Variants in COG5 observed in about 807,000 individuals in gnomAD.
COG5 encodes component of oligomeric golgi complex 5.
A neutral mutation model predicts 110.4 loss-of-function variants in COG5; 86 were observed. The observed-to-expected ratio is 0.78, with a 90% CI of 0.65 to 0.93. The LOEUF is 0.93. Ranked by LOEUF, COG5 falls within the 40% of genes least tolerant of loss-of-function variation. COG5 has a pLI of 0.00. For synonymous variants in COG5, 360 were observed against 334.6 expected (o/e 1.08, Z -0.83); for missense variants, 1,077 against 987.0 (o/e 1.09, Z -1.22).
intron 6 of COG5, among the ~76,000 whole-genome samples, chr7:107,504,558 T>C (rs1174629093): frequency 6.6e-6 from 1 of 152,242 alleles, no homozygotes; most frequent in East Asian, 1.9e-4. Context: ...TTTGCAATAG[T>C]TGCAGTAAGA....
intron 6 of COG5, among the ~76,000 whole-genome samples, chr7:107,486,098 G>GA (rs1032014021): frequency 6.6e-6 from 1 of 151,842 alleles, no homozygotes; most frequent in Non-Finnish European, 1.5e-5. Flanking sequence ...AGATAAAGCT[G>GA]AAAAATAGGT....
intron 6 of COG5, among the ~76,000 whole-genome samples, chr7:107,427,897 G>A (rs564968253): frequency 6.6e-6 from 1 of 152,140 alleles, no homozygotes; most frequent in Non-Finnish European, 1.5e-5. Flanking sequence ...TCAGCAGAGA[G>A]GGGATATGAG....
At chr7:107,377,505 A>G (rs1814737600) in intron 7 of COG5, among the ~76,000 whole-genome samples, 1 of 152,002 alleles carries the variant, frequency 6.6e-6, no homozygotes, top group South Asian at 2.1e-4. Flanking sequence ...TAATTTGTTA[A>G]TCTTGTTAAG....
At chr7:107,229,373 C>T (rs1010668732) in intron 19 of COG5, among the ~76,000 whole-genome samples, 2 of 152,038 alleles carry the variant, frequency 1.3e-5, no homozygotes, top group Non-Finnish European at 1.5e-5. Flanking sequence ...CGCTTGAACC[C>T]GGGAGGTGGA....
chr7:107,389,156 C>A (rs1275104348), intron 7 of COG5, among the ~76,000 whole-genome samples: 3 of 152,202 alleles, frequency 2.0e-5, no homozygotes, highest in East Asian at 1.9e-4. Context: ...TGGGCAGACA[C>A]CCGCTTCCCA....
At position 107,284,278 on chromosome 7, in the gene COG5, G is replaced by A. The variant is rs562519612; in HGVS notation, c.1314-546C>T. ...CCCCACTATAAATGCACAATAATAT[G>A]CACCAATACCTACTGTATTATCTGT... On this transcript the variant is annotated intron_variant, in intron 12 of 21. Transcript: ENST00000297135. Among the ~76,000 whole-genome samples, 7 of 152,214 alleles carry A rather than the reference G, an allele frequency of 4.6e-5. No individual in the cohort carries two copies. In the South Asian group the frequency reaches 1.0e-3, roughly 23 times the overall value.
Position 107,476,183 on chromosome 7 carries a change from T to TAAAAAAAAAAAAA in COG5, c.538+51053_538+51054insTTTTTTTTTTTTT, listed in dbSNP as rs1563056700. Among the ~76,000 whole-genome samples the TAAAAAAAAAAAAA allele has an allele frequency of 6.4e-4, 55 of 86,388 alleles. 1 individual carries two copies. The highest frequency in any genetic ancestry group is 2.4e-3 in the African/African-American group (41 of 17,162). The allele number at this position is 86,388 out of a possible 152,430, so 56.7% of individuals were successfully genotyped here. A position where few individuals can be genotyped will look rare whatever the true frequency, so the allele number is the denominator to read the frequency against. On this transcript the variant is annotated intron_variant, in intron 6 of 21. Transcript: ENST00000297135. ...TCTGGATTAATATAGTGCAATGATT[T>TAAAAAAAAAAAAA]TAAAAAAAAAAAAAAAAAAAAAAAG...
intron 21 of COG5, chr7:107,208,183 AAGGAC>A: frequency 1.0e-6 from 1 of 985,394 alleles, no homozygotes; most frequent in Non-Finnish European, 1.2e-6. Flanking sequence ...TGAAACCCTG[AAGGAC>A]AGCTCAATTT....
At chr7:107,508,787 G>C (rs1050385507) in intron 6 of COG5, among the ~76,000 whole-genome samples, 15 of 152,158 alleles carry the variant, frequency 9.9e-5, no homozygotes, top group African/African-American at 3.6e-4. Context: ...AGGCAAACAG[G>C]GTCTGGAGTG....
chr7:107,464,819 G>A (rs937406182), intron 6 of COG5, among the ~76,000 whole-genome samples: 1 of 152,062 alleles, frequency 6.6e-6, no homozygotes, highest in East Asian at 1.9e-4. Flanking sequence ...CCTGGCAAAG[G>A]GACTGTGGAT....
intron 3 of COG5, among the ~76,000 whole-genome samples, chr7:107,549,970 A>G (rs2283041): frequency 0.13 from 19,119 of 152,144 alleles, 1,505 homozygotes; most frequent in Non-Finnish European, 0.17. Flanking sequence ...TTTTCTTTAT[A>G]TATCTGCCTA....
chr7:107,255,000 C>T (rs1214845393), intron 16 of COG5, among the ~76,000 whole-genome samples: 1 of 152,054 alleles, frequency 6.6e-6, no homozygotes, highest in Non-Finnish European at 1.5e-5. Context: ...ACTTCTGTAT[C>T]AATTATGTGT....
chr7:107,295,789 GTTTTA>G (rs1405497005), intron 12 of COG5, among the ~76,000 whole-genome samples: 3 of 151,916 alleles, frequency 2.0e-5, no homozygotes, highest in Non-Finnish European at 4.4e-5. Context: ...TGAATTTACT[GTTTTA>G]TTTTATTTAT....
At chr7:107,538,497 C>T (rs1317892720) in intron 5 of COG5, among the ~76,000 whole-genome samples, 1 of 152,146 alleles carries the variant, frequency 6.6e-6, no homozygotes, top group Non-Finnish European at 1.5e-5. Flanking sequence ...CTGAACATCA[C>T]TATTTGTGTG....
chr7:107,464,724 G>A (rs150226218), intron 6 of COG5, among the ~76,000 whole-genome samples: 1 of 152,176 alleles, frequency 6.6e-6, no homozygotes, highest in Non-Finnish European at 1.5e-5. Context: ...AGATGCCTGG[G>A]TCCGAACCAA....
intron 10 of COG5, among the ~76,000 whole-genome samples, chr7:107,355,199 A>C (rs1325507901): frequency 6.6e-6 from 1 of 152,228 alleles, no homozygotes; most frequent in African/African-American, 2.4e-5. Context: ...GAAAACATAA[A>C]TTTAAAAAAT....
intron 5 of COG5, among the ~76,000 whole-genome samples, chr7:107,531,926 G>A (rs951207452): frequency 4.6e-5 from 7 of 152,114 alleles, no homozygotes; most frequent in Non-Finnish European, 1.0e-4. Flanking sequence ...GTCATGAACC[G>A]AGCAGTCGTT....
intron 12 of COG5, among the ~76,000 whole-genome samples, chr7:107,287,367 T>A (rs966698637): frequency 6.6e-6 from 1 of 152,202 alleles, no homozygotes; most frequent in African/African-American, 2.4e-5. Context: ...ATAGTTCTTG[T>A]TATCAGGCAA....
intron 6 of COG5, among the ~76,000 whole-genome samples, chr7:107,514,203 T>C (rs1799752783): frequency 6.6e-6 from 1 of 151,986 alleles, no homozygotes. Context: ...AATTGCTTGA[T>C]TATACTTTTA....
Sources: allele counts gnomAD v4.1 joint callset (sites outside exome capture counted in the v4.1 genomes callset), GRCh38; gene constraint gnomAD v4.1.1; transcripts MANE v1.5; gene names NCBI Gene and HGNC (gene_info 2026-07-23, HGNC 2026-07-21).